DENND1B: variants seen among roughly 807,000 people sequenced by gnomAD.
The protein encoded by DENND1B is DENN domain-containing protein 1B.
A neutral mutation model predicts 90.1 loss-of-function variants in DENND1B; 59 were observed. The observed-to-expected ratio is 0.65, with a 90% confidence interval of 0.53 to 0.81. DENND1B has a LOEUF of 0.81. Among genes scored for constraint, DENND1B ranks in the 40% least tolerant of loss-of-function variants. The pLI is 0.00. For synonymous variants in DENND1B, 337 were observed against 324.6 expected, an observed-to-expected ratio of 1.04 and a Z score of -0.41; for missense variants, 862 against 912.6, an observed-to-expected ratio of 0.94 and a Z score of 0.71.
chr1:197,741,819 A>G lies in DENND1B; in HGVS notation c.83-26745T>C, dbSNP rs115564623. Among the ~76,000 whole-genome samples the G allele has an allele frequency of 4.3e-3, 658 of 152,320 alleles. 9 individuals carry two copies. The highest frequency in any genetic ancestry group is 0.015 in the African/African-American group (616 of 41,588). On this transcript the variant is annotated intron_variant, in intron 2 of 22. Transcript: ENST00000620048. Reference sequence around the variant, plus strand: ...AAACGTGGCAACCCACACCTATGGTATGCAGAAAGGCAGAAAGAACATTAA... The same window carrying G: ...AAACGTGGCAACCCACACCTATGGTGTGCAGAAAGGCAGAAAGAACATTAA...
intron 2 of DENND1B, among the ~76,000 whole-genome samples, chr1:197,729,286 T>C (rs979371393): frequency 6.6e-6 from 1 of 152,176 alleles, no homozygotes; most frequent in Non-Finnish European, 1.5e-5. Context: ...TTTTATTGAG[T>C]ATATTTTCCA....
intron 20 of DENND1B, among the ~76,000 whole-genome samples, chr1:197,537,134 G>A (rs904150400): frequency 6.6e-6 from 1 of 151,840 alleles, no homozygotes; most frequent in Admixed American, 6.6e-5. Context: ...CATACATACT[G>A]GGTATACATG....
In DENND1B at chr1:197,693,276, A is replaced by G. The variant is rs549312113; in HGVS notation, c.127-19107T>C. ...TTGTCACTTATCTAGAAAAATAAAC[A>G]TAAGTAAACATGTGACTGTGTGTTT... On this transcript the variant is annotated intron_variant, in intron 3 of 22. Coordinates refer to ENST00000620048, the MANE Select transcript of DENND1B (RefSeq NM_001195215.2). Among the ~76,000 whole-genome samples the G allele has an allele frequency of 1.8e-4, 27 of 151,808 alleles. No homozygotes were observed. The South Asian group carries it at 5.4e-3, about 30-fold the overall frequency.
chr1:197,701,555 T>TC (rs923997055), intron 3 of DENND1B, among the ~76,000 whole-genome samples: 17 of 148,014 alleles, frequency 1.1e-4, no homozygotes, highest in African/African-American at 4.2e-4. Context: ...TTCCCCGGCT[T>TC]TTTTTTTTTA....
In DENND1B at chr1:197,540,060, T is replaced by C; in HGVS notation, c.1419A>G (p.Glu473=). The C allele has an allele frequency of 6.2e-7, 1 of 1,604,902 alleles. No homozygotes were observed. Among genetic ancestry groups the C allele is most frequent in the Non-Finnish European group, 8.5e-7 (1 of 1,176,048 alleles). Residue 473 remains glutamate, a synonymous_variant, in exon 20 of 23, where the codon GAA becomes GAG. Transcript: ENST00000620048. Reference sequence around the variant, plus strand: ...CAGAACTAGAACAGGTCCCATAATCTTCTTCATTTTCCTACACATGAAAAA... The same window carrying C: ...CAGAACTAGAACAGGTCCCATAATCCTCTTCATTTTCCTACACATGAAAAA... ...KSKLKHKENE[E]DYGTCSSSVQ...
At chr1:197,514,797 C>T (rs1668284773) in intron 20 of DENND1B, among the ~76,000 whole-genome samples, 2 of 151,442 alleles carry the variant, frequency 1.3e-5, no homozygotes, top group Admixed American at 1.3e-4. Context: ...GACATAAACT[C>T]AGAAGTGTTT....
chr1:197,681,211 G>C (rs942912856), intron 3 of DENND1B, among the ~76,000 whole-genome samples: 1 of 151,996 alleles, frequency 6.6e-6, no homozygotes. Flanking sequence ...AGTAGGTATG[G>C]ATATAGATAC....
In DENND1B at chr1:197,509,617, T is replaced by C. The variant is rs1407246160; in HGVS notation, c.*843A>G. 1 of 114,324 alleles carries C rather than the reference T, an allele frequency of 8.7e-6. No individual in the cohort carries two copies. Among genetic ancestry groups the C allele is most frequent in the East Asian group, 2.8e-4 (1 of 3,582 alleles). 7.1% of individuals were successfully genotyped at this position (114,324 alleles called of 1,614,324 possible). The stretch of plus-strand genomic sequence containing the variant: ...AGCATTTTGATAGAGAATTATTAGT[T>C]AAAAAAAGATTTTTTTTTTTTTTTT... On this transcript the variant is annotated 3_prime_UTR_variant, in exon 23 of 23. Transcript: ENST00000620048.
chr1:197,754,332 A>T (rs11805399), intron 2 of DENND1B, among the ~76,000 whole-genome samples: 3 of 152,260 alleles, frequency 2.0e-5, no homozygotes, highest in African/African-American at 7.2e-5. Context: ...ATAATAATAC[A>T]AGTATAAATG....
rs374685193 is a variant in DENND1B at position 197,775,024 on chromosome 1, C to T, written c.17+115G>A. 16 of 718,100 alleles carry T rather than the reference C, an allele frequency of 2.2e-5. No individual in the cohort carries two copies. In the South Asian group the frequency reaches 5.4e-4, roughly 24 times the overall value. The allele number at this position is 718,100 out of a possible 1,614,324, so 44.5% of individuals were successfully genotyped here. ...GGACCGCACCCCCAGCCCGCCCGGC[C>T]AACCTCGGCCGCCCGGGGAGCCGGT... is the stretch of plus-strand genomic sequence containing the variant. On this transcript the variant is annotated intron_variant, in intron 1 of 22. Coordinates refer to ENST00000620048, the MANE Select transcript of DENND1B (RefSeq NM_001195215.2).
At chr1:197,772,169 G>A (rs1415401700) in intron 2 of DENND1B, among the ~76,000 whole-genome samples, 1 of 152,098 alleles carries the variant, frequency 6.6e-6, no homozygotes, top group Admixed American at 6.5e-5. Flanking sequence ...GTTTCCATTG[G>A]TACTAGCAGG....
At chr1:197,598,818 T>C (rs1030939835) in intron 13 of DENND1B, among the ~76,000 whole-genome samples, 1 of 152,008 alleles carries the variant, frequency 6.6e-6, no homozygotes, top group Non-Finnish European at 1.5e-5. Context: ...TTTTATTGTA[T>C]TGTCTTTAGA....
At chr1:197,623,896 A>G (rs1678402488) in intron 10 of DENND1B, among the ~76,000 whole-genome samples, 1 of 151,624 alleles carries the variant, frequency 6.6e-6, no homozygotes, top group Non-Finnish European at 1.5e-5. Context: ...CAATCTATAT[A>G]AGGAAAACTA....
chr1:197,647,072 G>A lies in DENND1B; in HGVS notation c.490C>T (p.Gln164Ter), dbSNP rs1364010032. ...TAACTCACCGGTACTAGAGCAGGCT[G>A]ATCTTTCAGAACTTGCTCACAGGCA... ...FIACEQVLKD[Q>*]PALVPHSYFI... Residue 164 changes from glutamine (Q) to a stop codon, truncating the protein, a stop_gained, in exon 8 of 23, where the codon CAG (glutamine) becomes TAG (stop). Coordinates refer to ENST00000620048, the MANE Select transcript of DENND1B (RefSeq NM_001195215.2). LOFTEE classifies it high-confidence loss of function. 11 of 1,465,016 alleles carry A rather than the reference G, an allele frequency of 7.5e-6. No homozygotes were observed. The highest frequency in any genetic ancestry group is 9.9e-6 in the Non-Finnish European group (11 of 1,116,314). 90.8% of individuals were successfully genotyped at this position (1,465,016 alleles called of 1,614,324 possible). A position where few individuals can be genotyped will look rare whatever the true frequency, so the allele number is the denominator to read the frequency against.
At chr1:197,665,985 T>C (rs1224656920) in intron 5 of DENND1B, among the ~76,000 whole-genome samples, 1 of 152,104 alleles carries the variant, frequency 6.6e-6, no homozygotes, top group East Asian at 1.9e-4. Context: ...TACCTACAAA[T>C]GGAGAATGCT....
chr1:197,595,089 AAAAGATTTCC>A (rs1165884392), intron 14 of DENND1B, 109 bp downstream of exon 14: 1 of 1,332,810 alleles, frequency 7.5e-7, no homozygotes, highest in African/African-American at 1.5e-5. Flanking sequence ...TTTGGATCTT[AAAAGATTTCC>A]ATGATATTTT....
At chr1:197,536,351 T>C (rs1406174268) in intron 20 of DENND1B, among the ~76,000 whole-genome samples, 2 of 152,204 alleles carry the variant, frequency 1.3e-5, no homozygotes, top group Non-Finnish European at 2.9e-5. Context: ...TTTATTTAAT[T>C]TGTGAGTTTG....
At chr1:197,591,268 A>G (rs1675176768) in intron 14 of DENND1B, among the ~76,000 whole-genome samples, 1 of 152,096 alleles carries the variant, frequency 6.6e-6, no homozygotes, top group African/African-American at 2.4e-5. Flanking sequence ...TCCTGTGGGG[A>G]TGGGGGCAGG....
chr1:197,692,168 T>G (rs1266908396), intron 3 of DENND1B, among the ~76,000 whole-genome samples: 1 of 151,828 alleles, frequency 6.6e-6, no homozygotes, highest in Non-Finnish European at 1.5e-5. Flanking sequence ...CCTTTCCCAC[T>G]TTCTCTTTAA....
Sources: allele counts gnomAD v4.1 joint callset (sites outside exome capture counted in the v4.1 genomes callset), GRCh38; gene constraint gnomAD v4.1.1; transcripts MANE v1.5; gene names NCBI Gene and HGNC (gene_info 2026-07-23, HGNC 2026-07-21).